Variants in KCND2 observed in about 807,000 individuals in gnomAD.
The protein encoded by KCND2 is potassium voltage-gated channel subfamily D member 2.
In KCND2, 16 loss-of-function variants were observed where a neutral mutation model predicts 54.4. The ratio of observed to expected loss-of-function variants is 0.29; its 90% CI spans 0.20 to 0.45. The LOEUF is 0.45. Ranked by LOEUF, KCND2 falls within the 20% of genes least tolerant of loss-of-function variation. The pLI, the probability that KCND2 is intolerant of heterozygous loss-of-function variation, is 1.00. For missense variants in KCND2, 486 were observed against 824.2 expected, an observed-to-expected ratio of 0.59 and a Z score of 5.02; for synonymous variants, 317 against 310.7, an observed-to-expected ratio of 1.02 and a Z score of -0.21.
intron 1 of KCND2, among the ~76,000 whole-genome samples, chr7:120,519,997 T>G (rs1411731258): frequency 9.2e-5 from 14 of 152,118 alleles, no homozygotes; most frequent in Non-Finnish European, 7.4e-5. Context: ...TATCATAATA[T>G]TTGCATGAAG....
At chr7:120,739,099 G>A (rs1792909301) in intron 2 of KCND2, among the ~76,000 whole-genome samples, 1 of 151,984 alleles carries the variant, frequency 6.6e-6, no homozygotes, top group African/African-American at 2.4e-5. Flanking sequence ...CCATATGTAG[G>A]CTTTCCATTA....
intron 1 of KCND2, among the ~76,000 whole-genome samples, chr7:120,304,355 G>A (rs1799621970): frequency 6.6e-6 from 1 of 152,162 alleles, no homozygotes; most frequent in Non-Finnish European, 1.5e-5. Flanking sequence ...GATGGTTTCT[G>A]AGACAATTTT....
chr7:120,530,392 G>A (rs1791828859), intron 1 of KCND2, among the ~76,000 whole-genome samples: 1 of 152,112 alleles, frequency 6.6e-6, no homozygotes, highest in Non-Finnish European at 1.5e-5. Flanking sequence ...TTCTATAGAA[G>A]CCCATTTTTT....
chr7:120,337,298 G>A (rs890519627), intron 1 of KCND2, among the ~76,000 whole-genome samples: 1 of 152,118 alleles, frequency 6.6e-6, no homozygotes, highest in African/African-American at 2.4e-5. Context: ...TTGCCATGCA[G>A]GTAGTAATTT....
intron 1 of KCND2, among the ~76,000 whole-genome samples, chr7:120,588,795 T>A (rs928162603): frequency 2.0e-5 from 3 of 152,176 alleles, no homozygotes; most frequent in Non-Finnish European, 2.9e-5. Flanking sequence ...TTTATTCCAT[T>A]GCCTAATGTA....
At chr7:120,663,290 G>A (rs1347807313) in intron 1 of KCND2, among the ~76,000 whole-genome samples, 1 of 152,104 alleles carries the variant, frequency 6.6e-6, no homozygotes, top group Non-Finnish European at 1.5e-5. Flanking sequence ...ATGATCAGTT[G>A]AGCAATCAGC....
intron 1 of KCND2, among the ~76,000 whole-genome samples, chr7:120,634,732 A>G (rs1177360577): frequency 6.6e-6 from 1 of 152,188 alleles, no homozygotes; most frequent in Non-Finnish European, 1.5e-5. Flanking sequence ...TAACCATGTT[A>G]TTCTTCTTTC....
At chr7:120,444,508 C>A (rs996068532) in intron 1 of KCND2, among the ~76,000 whole-genome samples, 1 of 152,070 alleles carries the variant, frequency 6.6e-6, no homozygotes, top group African/African-American at 2.4e-5. Context: ...CTTCTTATTT[C>A]CTAAGAACCC....
chr7:120,418,854 T>TA (rs756829798), intron 1 of KCND2, among the ~76,000 whole-genome samples: 23 of 152,180 alleles, frequency 1.5e-4, no homozygotes, highest in Admixed American at 1.3e-4. Context: ...ACCAAACAAA[T>TA]ACATTGTTTT....
At chr7:120,745,675 G>A (rs543496094) in intron 4 of KCND2, 105 bp from the exon 5 acceptor site, 1 of 1,190,792 alleles carries the variant, frequency 8.4e-7, no homozygotes, top group Admixed American at 1.9e-5. Context: ...ATTGTATCAA[G>A]TCTAACTATA....
At chr7:120,691,375 G>A (rs1792266680) in intron 1 of KCND2, among the ~76,000 whole-genome samples, 1 of 152,194 alleles carries the variant, frequency 6.6e-6, no homozygotes, top group Non-Finnish European at 1.5e-5. Context: ...GTTTGAACCA[G>A]GGTGTTGCCA....
chr7:120,467,283 G>A (rs1450697095), intron 1 of KCND2, among the ~76,000 whole-genome samples: 1 of 152,132 alleles, frequency 6.6e-6, no homozygotes, highest in African/African-American at 2.4e-5. Flanking sequence ...CCAAACCTTG[G>A]TTGTGATATA....
chr7:120,585,022 A>G (rs907397652), intron 1 of KCND2, among the ~76,000 whole-genome samples: 2 of 152,194 alleles, frequency 1.3e-5, no homozygotes, highest in Non-Finnish European at 2.9e-5. Flanking sequence ...GGGTGGTGGC[A>G]TATAAGAAGA....
At chr7:120,693,113 T>C (rs987165) in intron 1 of KCND2, among the ~76,000 whole-genome samples, 42,896 of 152,046 alleles carry the variant, frequency 0.28, 6,584 homozygotes, top group East Asian at 0.44. Flanking sequence ...TTCTAGGAAT[T>C]TCAAAGTACA....
intron 1 of KCND2, among the ~76,000 whole-genome samples, chr7:120,516,944 G>C (rs1803205229): frequency 6.6e-6 from 1 of 152,036 alleles, no homozygotes; most frequent in Admixed American, 6.6e-5. Context: ...ACATCCTGAA[G>C]TTGTTCTGAA....
chr7:120,723,664 A>C (rs1474522893), intron 1 of KCND2, among the ~76,000 whole-genome samples: 6 of 152,154 alleles, frequency 3.9e-5, no homozygotes, highest in Non-Finnish European at 8.8e-5. Flanking sequence ...ACTGTAGTAC[A>C]CTATGACTAT....
intron 1 of KCND2, among the ~76,000 whole-genome samples, chr7:120,396,950 G>C (rs1280396393): frequency 6.6e-6 from 1 of 151,934 alleles, no homozygotes; most frequent in East Asian, 1.9e-4. Context: ...CTAGGCTTTG[G>C]GAAGTCAAGC....
chr7:120,491,733 C>T (rs1802783107), intron 1 of KCND2, among the ~76,000 whole-genome samples: 1 of 151,834 alleles, frequency 6.6e-6, no homozygotes, highest in Non-Finnish European at 1.5e-5. Flanking sequence ...TTATTTCAAT[C>T]TTAATTCACA....
intron 1 of KCND2, among the ~76,000 whole-genome samples, chr7:120,378,131 A>G (rs992001163): frequency 1.3e-5 from 2 of 152,068 alleles, no homozygotes; most frequent in African/African-American, 2.4e-5. Context: ...TCTTTTCTGT[A>G]TGTATATACG....
Sources: allele counts gnomAD v4.1 joint callset (sites outside exome capture counted in the v4.1 genomes callset), GRCh38; gene constraint gnomAD v4.1.1; transcripts MANE v1.5; gene names NCBI Gene and HGNC (gene_info 2026-07-23, HGNC 2026-07-21).